Variants in HAPLN1 observed in about 807,000 individuals in gnomAD.
The protein encoded by HAPLN1 is Cartilage link protein.
Under a neutral mutation model 36.5 loss-of-function variants are expected in HAPLN1, and 13 were observed. The ratio of observed to expected loss-of-function variants is 0.36; its 90% CI spans 0.23 to 0.57. The LOEUF (loss-of-function observed/expected upper bound fraction) is 0.57. HAPLN1 is among the 20% of genes least tolerant of loss of function. The probability of loss-of-function intolerance (pLI) is 0.83; values close to 1 mark genes in which losing one functional copy is unlikely to be tolerated. For synonymous variants in HAPLN1, 202 were observed against 169.8 expected, an observed-to-expected ratio of 1.19 and a Z score of -1.48; for missense variants, 407 against 439.7, an observed-to-expected ratio of 0.93 and a Z score of 0.66.
In HAPLN1 at chr5:83,648,226, G is replaced by A. The variant is rs369353100; in HGVS notation, c.473-3561C>T. On this transcript the variant is annotated intron_variant, in intron 3 of 4. Transcript: ENST00000274341. ...CTCCAAGATTCTGTATGAAAATGCC[G>A]TGTTTCCATATCTAATTCCAACTCA... Among the ~76,000 whole-genome samples the A allele has an allele frequency of 3.0e-4, 46 of 151,226 alleles. 1 individual carries two copies. The East Asian group carries it at 5.3e-3, about 17-fold the overall frequency.
chr5:83,715,760 C>A lies in HAPLN1; in HGVS notation c.-27+5029G>T, dbSNP rs143501283. On this transcript the variant is annotated intron_variant, in intron 1 of 4. Coordinates refer to ENST00000274341, the MANE Select transcript of HAPLN1 (RefSeq NM_001884.4). Reference sequence around the variant, plus strand: ...CATCTGTGTCCACACAGCCAAGAAACAAAGCTGTTATCCACTCAGCTCAGC... The same window carrying A: ...CATCTGTGTCCACACAGCCAAGAAAAAAAGCTGTTATCCACTCAGCTCAGC... Among the ~76,000 whole-genome samples, 908 of 152,266 alleles carry A rather than the reference C, an allele frequency of 6.0e-3. 12 individuals are homozygous for A. The highest frequency in any genetic ancestry group is 0.021 in the African/African-American group (864 of 41,544).
In HAPLN1 at chr5:83,639,550, G is replaced by A. The variant is rs1749619779; in HGVS notation, c.*1946C>T. The A allele has an allele frequency of 6.6e-6, 1 of 152,024 alleles. No individual in the cohort carries two copies. The allele number at this position is 152,024 out of a possible 1,614,324, so 9.4% of individuals were successfully genotyped here. On this transcript the variant is annotated 3_prime_UTR_variant, in exon 5 of 5. Coordinates refer to ENST00000274341, the MANE Select transcript of HAPLN1 (RefSeq NM_001884.4). ...AGTTCAAGTATGGACTTCTTTCAAT[G>A]AGCTAGCCCCCATATTTGAGGTGTT...
chr5:83,706,621 A>C (rs919810630), intron 1 of HAPLN1, among the ~76,000 whole-genome samples: 3 of 152,326 alleles, frequency 2.0e-5, no homozygotes, highest in Middle Eastern at 3.4e-3. Context: ...CACAGTCAAC[A>C]TTATACTGAA....
chr5:83,701,018 G>A (rs1751496530), intron 1 of HAPLN1, among the ~76,000 whole-genome samples: 3 of 152,154 alleles, frequency 2.0e-5, no homozygotes, highest in African/African-American at 7.2e-5. Context: ...TACACTATCA[G>A]TCAAGAGGTT....
chr5:83,644,274 TA>T, intron 4 of HAPLN1, 88 bp downstream of exon 4: 1 of 1,040,918 alleles, frequency 9.6e-7, no homozygotes, highest in Non-Finnish European at 1.3e-6. Context: ...TTTGTTTTTC[TA>T]AGAAGATAAG....
intron 1 of HAPLN1, among the ~76,000 whole-genome samples, chr5:83,691,011 A>G (rs774901693): frequency 6.6e-6 from 1 of 152,092 alleles, no homozygotes; most frequent in African/African-American, 2.4e-5. Flanking sequence ...GTCTCAAACA[A>G]CTAAAAAGAT....
chr5:83,649,605 T>C (rs187293445), intron 3 of HAPLN1, among the ~76,000 whole-genome samples: 6 of 152,072 alleles, frequency 3.9e-5, no homozygotes, highest in Non-Finnish European at 5.9e-5. Flanking sequence ...CGTACCACCA[T>C]GCCAGGCTAA....
rs372965809 is a variant in HAPLN1, at chr5:83,641,670, T to C, written c.891A>G (p.Lys297=). Residue 297 remains lysine, a synonymous_variant, in exon 5 of 5, where the codon AAA becomes AAG. Transcript: ENST00000274341. ...AKVGQIFAAW[K]ILGYDRCDAG... is the part of the protein sequence containing the mutation. ...CATCACAGCGGTCATATCCGAGAATTTTCCAGGCAGCAAATATCTGGCCCA... is the reference window on the plus strand; with the variant it reads ...CATCACAGCGGTCATATCCGAGAATCTTCCAGGCAGCAAATATCTGGCCCA... 22 of 1,614,024 alleles carry C rather than the reference T, an allele frequency of 1.4e-5. No homozygotes were observed. In the African/African-American group the frequency reaches 2.8e-4, roughly 21 times the overall value.
At chr5:83,690,777 T>C (rs1751251003) in intron 1 of HAPLN1, among the ~76,000 whole-genome samples, 1 of 152,088 alleles carries the variant, frequency 6.6e-6, no homozygotes, top group African/African-American at 2.4e-5. Context: ...ATGGTGATTA[T>C]ATATTCAGGC....
Position 83,686,780 on chromosome 5 carries a change from G to T in HAPLN1, c.-26-13231C>A, listed in dbSNP as rs531166293. Among the ~76,000 whole-genome samples, 4 of 152,282 alleles carry T rather than the reference G, an allele frequency of 2.6e-5. 1 individual carries two copies. The South Asian group carries it at 8.3e-4, about 32-fold the overall frequency. On this transcript the variant is annotated intron_variant, in intron 1 of 4. Coordinates refer to ENST00000274341, the MANE Select transcript of HAPLN1 (RefSeq NM_001884.4). ...TGCACTGCTGGGCCAATGGGTGGGA[G>T]TAGACAGTACAGCAGGTGGGGTGCA...
At chr5:83,645,471 C>CTTTTTT (rs1423821503) in intron 3 of HAPLN1, among the ~76,000 whole-genome samples, 1 of 20,318 alleles carries the variant, frequency 4.9e-5, no homozygotes, top group African/African-American at 2.8e-4. Context: ...TTTTCTTTTT[C>CTTTTTT]TTTCTTTTTT....
intron 1 of HAPLN1, among the ~76,000 whole-genome samples, chr5:83,677,357 G>A (rs1419440853): frequency 6.6e-6 from 1 of 152,186 alleles, no homozygotes; most frequent in Non-Finnish European, 1.5e-5. Context: ...GTCCCCTGAC[G>A]AGTGCTGTCG....
intron 3 of HAPLN1, among the ~76,000 whole-genome samples, chr5:83,646,549 C>A (rs1356200945): frequency 6.6e-6 from 1 of 152,214 alleles, no homozygotes; most frequent in Non-Finnish European, 1.5e-5. Flanking sequence ...TAGGGCAATC[C>A]AGCTGGCACC....
In HAPLN1 at chr5:83,648,064, T is replaced by C. The variant is rs544184899; in HGVS notation, c.473-3399A>G. ...TGTATTTATTGATTGCTGTGCTCAATTGAATTGCTGATTCTGTAGTCCAAG... is the reference window on the plus strand; with the variant it reads ...TGTATTTATTGATTGCTGTGCTCAACTGAATTGCTGATTCTGTAGTCCAAG... On this transcript the variant is annotated intron_variant, in intron 3 of 4. Coordinates refer to ENST00000274341, the MANE Select transcript of HAPLN1 (RefSeq NM_001884.4). Among the ~76,000 whole-genome samples the C allele has an allele frequency of 1.8e-4, 28 of 152,260 alleles. No homozygotes were observed. The Middle Eastern group carries it at 0.01, about 55-fold the overall frequency.
At chr5:83,716,151 AG>A (rs1312147492) in intron 1 of HAPLN1, among the ~76,000 whole-genome samples, 1 of 152,242 alleles carries the variant, frequency 6.6e-6, no homozygotes, top group Non-Finnish European at 1.5e-5. Flanking sequence ...GACAAAACCA[AG>A]GAATATCCAT....
intron 1 of HAPLN1, among the ~76,000 whole-genome samples, chr5:83,694,637 T>G (rs1005518595): frequency 4.6e-5 from 7 of 152,068 alleles, no homozygotes; most frequent in African/African-American, 1.4e-4. Flanking sequence ...TTCAGTGAGT[T>G]AAATGAAATG....
chr5:83,677,179 A>G (rs1273839812), intron 1 of HAPLN1, among the ~76,000 whole-genome samples: 2 of 152,166 alleles, frequency 1.3e-5, no homozygotes, highest in African/African-American at 2.4e-5. Flanking sequence ...CTGAACTGCC[A>G]TTTCTCAGAA....
At chr5:83,652,299 A>G in intron 3 of HAPLN1, 154 bp downstream of exon 3, 2 of 697,322 alleles carry the variant, frequency 2.9e-6, no homozygotes, top group Non-Finnish European at 4.7e-6. Flanking sequence ...CTGGAATCAT[A>G]GGCAGACTGT....
intron 2 of HAPLN1, among the ~76,000 whole-genome samples, chr5:83,669,571 G>A (rs534252563): frequency 6.6e-6 from 1 of 152,002 alleles, no homozygotes; most frequent in Non-Finnish European, 1.5e-5. Context: ...AATTAAAGAA[G>A]GCAAAGAAAA....
Sources: gnomAD v4.1 joint callset for allele counts (sites outside exome capture counted in the v4.1 genomes callset) on GRCh38, gnomAD v4.1.1 for gene constraint, MANE v1.5 for transcripts, NCBI Gene and HGNC (gene_info 2026-07-23, HGNC 2026-07-21) for gene names.